Variants in TMOD2 observed in about 807,000 individuals in gnomAD.
The protein encoded by TMOD2 is tropomodulin-2.
In TMOD2, 22 loss-of-function variants were observed where a neutral mutation model predicts 39.9. The ratio of observed to expected loss-of-function variants is 0.55; its 90% CI spans 0.39 to 0.79. The LOEUF is 0.79. Ranked by LOEUF, TMOD2 falls within the 30% of genes least tolerant of loss-of-function variation. The pLI is 0.00. For synonymous variants in TMOD2, 123 were observed against 146.1 expected, an observed-to-expected ratio of 0.84 and a Z score of 1.14; for missense variants, 386 against 413.3, an observed-to-expected ratio of 0.93 and a Z score of 0.57.
intron 7 of TMOD2, among the ~76,000 whole-genome samples, chr15:51,785,977 A>C (rs1359025540): frequency 6.6e-6 from 1 of 152,198 alleles, no homozygotes; most frequent in Non-Finnish European, 1.5e-5. Context: ...AACATTTTTA[A>C]TTTATTTGGT....
intron 1 of TMOD2, among the ~76,000 whole-genome samples, 200 bp downstream of exon 1, chr15:51,751,912 C>T (rs2055706649): frequency 6.7e-6 from 1 of 149,312 alleles, no homozygotes; most frequent in Admixed American, 6.6e-5. Flanking sequence ...GCCGGGAGAC[C>T]AGGCGCTGCG....
intron 7 of TMOD2, chr15:51,784,589 T>A (rs1394568476): frequency 6.6e-6 from 1 of 152,226 alleles, no homozygotes; most frequent in Non-Finnish European, 1.5e-5. Flanking sequence ...ATCAATGTTT[T>A]TACCAGCAGT....
At chr15:51,803,985 G>A (rs565245355) in intron 8 of TMOD2, among the ~76,000 whole-genome samples, 1 of 152,352 alleles carries the variant, frequency 6.6e-6, no homozygotes, top group South Asian at 2.1e-4. Flanking sequence ...GGCTAGGGTA[G>A]GGAAAGAAGT....
chr15:51,795,614 C>CT (rs539825313), intron 7 of TMOD2, among the ~76,000 whole-genome samples: 5 of 105,652 alleles, frequency 4.7e-5, no homozygotes, highest in African/African-American at 1.7e-4. Flanking sequence ...TTCTTTCTTT[C>CT]TTTCTTTCTT....
chr15:51,769,836 A>C (rs1331437230), intron 3 of TMOD2, among the ~76,000 whole-genome samples: 2 of 152,116 alleles, frequency 1.3e-5, no homozygotes, highest in Non-Finnish European at 1.5e-5. Context: ...GGAGTTCAAG[A>C]CCAGCCTGGG....
intron 8 of TMOD2, among the ~76,000 whole-genome samples, chr15:51,805,151 C>T (rs377605401): frequency 2.2e-4 from 33 of 151,414 alleles, no homozygotes; most frequent in African/African-American, 7.5e-4. Context: ...GTAGAAACGG[C>T]GTTTCACCAT....
At chr15:51,777,475 C>T (rs1435471502) in intron 5 of TMOD2, among the ~76,000 whole-genome samples, 2 of 152,078 alleles carry the variant, frequency 1.3e-5, no homozygotes, top group Non-Finnish European at 2.9e-5. Flanking sequence ...TTTGAATGTC[C>T]ACTTCCCTCA....
chr15:51,789,155 A>G (rs187509681), intron 7 of TMOD2, among the ~76,000 whole-genome samples: 141 of 152,316 alleles, frequency 9.3e-4, no homozygotes, highest in African/African-American at 3.2e-3. Context: ...AAATAAAGGG[A>G]TGGAGGAAGA....
At chr15:51,780,928 T>A in intron 5 of TMOD2, 116 bp from the exon 6 acceptor site, 1 of 779,888 alleles carries the variant, frequency 1.3e-6, no homozygotes, top group Non-Finnish European at 2.0e-6. Context: ...CTACTGTCAT[T>A]GCTATTAAAG....
At chr15:51,779,280 C>A (rs1027405332) in intron 5 of TMOD2, among the ~76,000 whole-genome samples, 3 of 152,152 alleles carry the variant, frequency 2.0e-5, no homozygotes, top group Non-Finnish European at 4.4e-5. Flanking sequence ...TGGTGCATAA[C>A]CTTCTGGACG....
At chr15:51,776,073 T>C (rs76978410) in intron 4 of TMOD2, among the ~76,000 whole-genome samples, 2,537 of 152,302 alleles carry the variant, frequency 0.017, 91 homozygotes, top group East Asian at 0.072. Flanking sequence ...GATTCTTGAC[T>C]GCTCCCAAGT....
At chr15:51,763,097 GCTAAT>G (rs2055792411) in intron 1 of TMOD2, among the ~76,000 whole-genome samples, 1 of 116,902 alleles carries the variant, frequency 8.6e-6, no homozygotes, top group African/African-American at 3.3e-5. Context: ...ACCATGCCCA[GCTAAT>G]TTTTAAAAAA....
chr15:51,774,110 A>G (rs1205169192), intron 4 of TMOD2, among the ~76,000 whole-genome samples: 1 of 152,218 alleles, frequency 6.6e-6, no homozygotes, highest in East Asian at 1.9e-4. Context: ...TTGAGAATTT[A>G]GAGAATAAAA....
At chr15:51,774,365 A>C (rs760303202) in intron 4 of TMOD2, among the ~76,000 whole-genome samples, 18 of 152,342 alleles carry the variant, frequency 1.2e-4, no homozygotes, top group Non-Finnish European at 7.3e-5. Flanking sequence ...TCTCGACCTG[A>C]ATTACCTAGG....
intron 5 of TMOD2, among the ~76,000 whole-genome samples, chr15:51,779,806 G>A (rs1387936708): frequency 6.6e-6 from 1 of 151,802 alleles, no homozygotes; most frequent in Non-Finnish European, 1.5e-5. Flanking sequence ...TCAGTCCCCT[G>A]AGCAGCTAGG....
intron 7 of TMOD2, among the ~76,000 whole-genome samples, chr15:51,795,453 T>TA (rs1054975586): frequency 4.6e-5 from 7 of 152,062 alleles, no homozygotes; most frequent in African/African-American, 1.7e-4. Flanking sequence ...AAGTTTTTTT[T>TA]ATTCATTCTG....
intron 9 of TMOD2, among the ~76,000 whole-genome samples, chr15:51,807,888 A>T (rs1207771903): frequency 6.6e-6 from 1 of 152,238 alleles, no homozygotes; most frequent in Non-Finnish European, 1.5e-5. Context: ...GGTTCTAAAC[A>T]TCAGGTTAAA....
rs1427773295 is a variant in TMOD2 at position 51,766,539 on chromosome 15, A to G, written c.98A>G (p.Glu33Gly). ...TCAGAAGAGGAACTGAAACAGTTGG[A>G]AAATGTTCTAGATGACCTAGATCCT... ...KLSEEELKQL[E>G]NVLDDLDPES... The change falls in exon 2 of 10, where the codon GAA becomes GGA. Residue 33 changes from glutamate to glycine, a missense_variant. By Grantham distance (98) the Glu-to-Gly change is moderately conservative. Transcript: ENST00000249700. 6.2e-7 allele frequency: 1 copy of G among 1,614,076 alleles called. No individual in the cohort carries two copies. The highest frequency in any genetic ancestry group is 2.2e-5 in the East Asian group (1 of 44,876).
At chr15:51,781,484 AG>A (rs1184034843) in intron 6 of TMOD2, among the ~76,000 whole-genome samples, 1 of 152,396 alleles carries the variant, frequency 6.6e-6, no homozygotes, top group African/African-American at 2.4e-5. Context: ...TTTCAGTGTC[AG>A]GAATCTGGTA....
Sources: gnomAD v4.1 joint callset for allele counts (sites outside exome capture counted in the v4.1 genomes callset) on GRCh38, gnomAD v4.1.1 for gene constraint, MANE v1.5 for transcripts, NCBI Gene and HGNC (gene_info 2026-07-23, HGNC 2026-07-21) for gene names.